The following SMARCA2 variants were observed in gnomAD, a reference collection of about 807,000 sequenced individuals.
SMARCA2 encodes SWI/SNF-related matrix-associated actin-dependent regulator of chromatin subfamily A member 2.
SMARCA2 carries 61 observed loss-of-function variants against 199.8 expected under a neutral mutation model. The observed-to-expected ratio is 0.31, with a 90% CI of 0.25 to 0.38. SMARCA2 has a LOEUF of 0.38. SMARCA2 is among the 10% of genes least tolerant of loss of function. The pLI is 1.00. For synonymous variants in SMARCA2, 935 were observed against 732.0 expected (o/e 1.28, Z -4.48); for missense variants, 1,344 against 2,012.2 (o/e 0.67, Z 6.35).
Position 2,186,126 on chromosome 9 carries a change from G to C in SMARCA2, c.4492G>C (p.Val1498Leu). 1.2e-6 allele frequency: 2 copies of C among 1,614,076 alleles called. No individual in the cohort carries two copies. The highest frequency in any genetic ancestry group is 8.5e-7 in the Non-Finnish European group (1 of 1,179,934). Residue 1498 changes from valine (V) to leucine (L), a missense_variant, in exon 32 of 34, where the codon GTG (valine) becomes CTG (leucine). By Grantham distance (32) the Val-to-Leu change is conservative (BLOSUM62 1). Transcript: ENST00000349721. ...IYEDSIVLQS[V>L]FKSARQKIAK... ...TGAAGACTCCATCGTCTTACAGTCA[G>C]TGTTTAAGAGTGCCCGGCAGAAAAT...
At chr9:2,062,210 C>A (rs1820624502) in intron 9 of SMARCA2, among the ~76,000 whole-genome samples, 1 of 151,996 alleles carries the variant, frequency 6.6e-6, no homozygotes, top group African/African-American at 2.4e-5. Context: ...CTAATGACTT[C>A]CAGAAAAAAT....
At chr9:2,127,698 C>T (rs1008600194) in intron 27 of SMARCA2, among the ~76,000 whole-genome samples, 18 of 152,234 alleles carry the variant, frequency 1.2e-4, no homozygotes, top group African/African-American at 4.3e-4. Flanking sequence ...TGTGGTCTGG[C>T]TGTGAGCCCA....
chr9:2,070,131 G>A (rs1467697589), intron 9 of SMARCA2, among the ~76,000 whole-genome samples: 1 of 152,192 alleles, frequency 6.6e-6, no homozygotes, highest in African/African-American at 2.4e-5. Context: ...CCACTGTCTT[G>A]ATACTGCCCT....
intron 27 of SMARCA2, among the ~76,000 whole-genome samples, chr9:2,152,216 C>T (rs867481019): frequency 3.9e-5 from 6 of 152,194 alleles, no homozygotes; most frequent in African/African-American, 7.2e-5. Flanking sequence ...ATATTTCATG[C>T]TGATGAGATA....
rs369716405 is a variant in SMARCA2 at position 2,073,283 on chromosome 9, G to A, written c.1818G>A (p.Leu606=). 1.2e-6 allele frequency: 2 copies of A among 1,614,186 alleles called. No individual in the cohort carries two copies. The highest frequency in any genetic ancestry group is 2.2e-5 in the South Asian group (2 of 91,082). The change falls in exon 11 of 34, where the codon CTG becomes CTA. Residue 606 remains leucine, a synonymous_variant. Coordinates refer to ENST00000349721, the MANE Select transcript of SMARCA2 (RefSeq NM_003070.5). ...CTCACACAGAAACCGGCAAGGTTCT[G>A]TTCGGACCAGAAGCACCCAAAGCAA... is the stretch of plus-strand genomic sequence containing the variant. ...KVTHTETGKV[L]FGPEAPKASQ...
intron 29 of SMARCA2, among the ~76,000 whole-genome samples, chr9:2,173,052 G>C (rs909881185): frequency 6.6e-6 from 1 of 152,180 alleles, no homozygotes; most frequent in East Asian, 1.9e-4. Context: ...CTTAGGGGCA[G>C]TCTGGATGTG....
rs114961037 is a variant in SMARCA2, at chr9:2,187,614, C to T, written c.4594+1386C>T. Among the ~76,000 whole-genome samples the T allele has an allele frequency of 3.7e-3, 570 of 152,098 alleles. 1 individual carries two copies. The highest frequency in any genetic ancestry group is 0.013 in the African/African-American group (528 of 41,422). On this transcript the variant is annotated intron_variant, in intron 32 of 33. Transcript: ENST00000349721. ...GATTGCTTAGTCTAGGTGTTCAAGGCTGCAGTGAGCTATGATCATACCGCT... is the reference window on the plus strand; with the variant it reads ...GATTGCTTAGTCTAGGTGTTCAAGGTTGCAGTGAGCTATGATCATACCGCT...
intron 1 of SMARCA2, among the ~76,000 whole-genome samples, chr9:2,023,130 A>G (rs544318324): frequency 2.0e-5 from 3 of 152,290 alleles, no homozygotes; most frequent in Admixed American, 1.3e-4. Context: ...AACTCATGGT[A>G]TCTATAAGGG....
chr9:2,096,189 A>C (rs908003712), intron 19 of SMARCA2, among the ~76,000 whole-genome samples: 1 of 152,230 alleles, frequency 6.6e-6, no homozygotes, highest in African/African-American at 2.4e-5. Context: ...CTTTAAGACT[A>C]GTATTAGAGA....
Position 2,105,287 on chromosome 9 carries a change from C to A in SMARCA2, c.3292+1118C>A, listed in dbSNP as rs564837371. Among the ~76,000 whole-genome samples the A allele has an allele frequency of 3.3e-5, 5 of 151,970 alleles. No individual in the cohort carries two copies. In the East Asian group the frequency reaches 7.7e-4, roughly 24 times the overall value. ...TTGAGACAGAGTCTCACTCTGTCAC[C>A]CAGGCTGGAATGCAGTGGCATGATC... is the stretch of plus-strand genomic sequence containing the variant. On this transcript the variant is annotated intron_variant, in intron 23 of 33. Coordinates refer to ENST00000349721, the MANE Select transcript of SMARCA2 (RefSeq NM_003070.5).
chr9:2,180,353 G>A (rs1196590353), intron 29 of SMARCA2, among the ~76,000 whole-genome samples: 1 of 152,116 alleles, frequency 6.6e-6, no homozygotes, highest in Admixed American at 6.5e-5. Flanking sequence ...TTTTTCCACT[G>A]GTTGCTAAGC....
chr9:2,028,843 C>T (rs1818942042), intron 1 of SMARCA2, 144 bp from the exon 2 acceptor site: 7 of 653,398 alleles, frequency 1.1e-5, no homozygotes, highest in Middle Eastern at 4.0e-4. Flanking sequence ...GTATATCACA[C>T]TCACTCAAAC....
rs369502565 is a variant in SMARCA2, at chr9:2,060,330, G to A, written c.1522-486G>A. The stretch of plus-strand genomic sequence containing the variant: ...CTGGAATTTGCTTCAAGACAATTCA[G>A]TTTGGGTTTAGAAGAAGAGTAGCAA... On this transcript the variant is annotated intron_variant, in intron 8 of 33. Transcript: ENST00000349721. Among the ~76,000 whole-genome samples, 3 of 152,158 alleles carry A rather than the reference G, an allele frequency of 2.0e-5. No individual in the cohort carries two copies. The East Asian group carries it at 5.8e-4, about 29-fold the overall frequency.
intron 14 of SMARCA2, among the ~76,000 whole-genome samples, chr9:2,080,749 A>G (rs1017152150): frequency 6.6e-6 from 1 of 152,214 alleles, no homozygotes; most frequent in Non-Finnish European, 1.5e-5. Flanking sequence ...ATTGCTTCAA[A>G]CCAATGCGGT....
chr9:2,063,710 CT>C (rs1159521942), intron 9 of SMARCA2, among the ~76,000 whole-genome samples: 1 of 147,670 alleles, frequency 6.8e-6, no homozygotes, highest in Non-Finnish European at 1.5e-5. Context: ...AAAAGATTAC[CT>C]TTTATTTTCA....
intron 27 of SMARCA2, among the ~76,000 whole-genome samples, 168 bp downstream of exon 27, chr9:2,124,105 T>C (rs1823584739): frequency 6.6e-6 from 1 of 152,194 alleles, no homozygotes; most frequent in African/African-American, 2.4e-5. Flanking sequence ...ATAAAGTCAT[T>C]GTGCTGTTGC....
intron 23 of SMARCA2, among the ~76,000 whole-genome samples, chr9:2,109,353 A>G (rs1822890393): frequency 1.3e-5 from 2 of 151,780 alleles, no homozygotes; most frequent in Non-Finnish European, 2.9e-5. Flanking sequence ...CTCCCCTTCC[A>G]CAATGCATTT....
Position 2,047,286 on chromosome 9 carries a change from C to T in SMARCA2, c.848C>T (p.Pro283Leu). Residue 283 changes from proline (P) to leucine (L), a missense_variant, in exon 5 of 34, where the codon CCC (proline) becomes CTC (leucine). Transcript: ENST00000349721. ...CCGCAGAAGCTGCCGGTGCCCGCGC[C>T]CGGCGGCCGGCCCTCGCCCGCGCCC... ...STPQKLPVPA[P>L]GGRPSPAPPA... 2.0e-6 allele frequency: 2 copies of T among 989,514 alleles called. No homozygotes were observed. The highest frequency in any genetic ancestry group is 2.4e-6 in the Non-Finnish European group (2 of 834,244). 61.3% of individuals were successfully genotyped at this position (989,514 alleles called of 1,614,324 possible).
At chr9:2,171,484 G>A (rs1239196989) in intron 29 of SMARCA2, among the ~76,000 whole-genome samples, 2 of 152,196 alleles carry the variant, frequency 1.3e-5, no homozygotes, top group African/African-American at 4.8e-5. Context: ...CCATTTTTGT[G>A]TGGAGATGAA....
Sources: gnomAD v4.1 joint callset for allele counts (sites outside exome capture counted in the v4.1 genomes callset) on GRCh38, gnomAD v4.1.1 for gene constraint, MANE v1.5 for transcripts, NCBI Gene and HGNC (gene_info 2026-07-23, HGNC 2026-07-21) for gene names.